The following UNC79 variants were observed in gnomAD, a reference collection of about 807,000 sequenced individuals.
UNC79 encodes unc-79 subunit of NALCN channel complex, also known as protein unc-79 homolog.
Under a neutral mutation model 283.1 loss-of-function variants are expected in UNC79, and 37 were observed. That is an observed-to-expected ratio of 0.13 (90% CI 0.10 to 0.17). UNC79 has a LOEUF of 0.17. UNC79 is among the 10% of genes least tolerant of loss of function. UNC79 has a pLI of 1.00. For synonymous variants in UNC79, 1,107 were observed against 1,200.2 expected, an observed-to-expected ratio of 0.92 and a Z score of 1.61; for missense variants, 2,272 against 3,211.1, an observed-to-expected ratio of 0.71 and a Z score of 7.07.
chr14:93,394,400 T>C (rs1477347252), intron 1 of UNC79, among the ~76,000 whole-genome samples: 1 of 149,244 alleles, frequency 6.7e-6, no homozygotes, highest in East Asian at 2.0e-4. Flanking sequence ...TATTTTATTT[T>C]ATTTTATTTT....
chr14:93,539,839 G>A (rs1431707555), intron 12 of UNC79, among the ~76,000 whole-genome samples: 1 of 152,032 alleles, frequency 6.6e-6, no homozygotes, highest in African/African-American at 2.4e-5. Context: ...TCTCCACGTC[G>A]TTGCATGGTT....
chr14:93,704,473 A>G, intron 47 of UNC79, 152 bp from the exon 51 acceptor site: 1 of 859,756 alleles, frequency 1.2e-6, no homozygotes, highest in Non-Finnish European at 1.8e-6. Flanking sequence ...TCAGAAAGAC[A>G]TTTTGCTGAT....
chr14:93,677,950 G>T (rs1318557030), intron 41 of UNC79, among the ~76,000 whole-genome samples: 2 of 152,094 alleles, frequency 1.3e-5, no homozygotes, highest in Non-Finnish European at 2.9e-5. Context: ...GCCTGGCCTA[G>T]TGCCTCTTTC....
At chr14:93,534,515 C>G (rs1429757473) in intron 11 of UNC79, among the ~76,000 whole-genome samples, 1 of 152,134 alleles carries the variant, frequency 6.6e-6, no homozygotes, top group African/African-American at 2.4e-5. Flanking sequence ...TTGAGGCAGT[C>G]CTTCCTATAT....
At chr14:93,666,732 G>T (rs1298321935) in intron 40 of UNC79, among the ~76,000 whole-genome samples, 2 of 152,174 alleles carry the variant, frequency 1.3e-5, no homozygotes, top group African/African-American at 4.8e-5. Flanking sequence ...AACAATAACA[G>T]TGAGCAAAGT....
intron 35 of UNC79, among the ~76,000 whole-genome samples, chr14:93,649,515 C>T (rs1232965285): frequency 4.6e-5 from 7 of 152,130 alleles, no homozygotes; most frequent in African/African-American, 1.7e-4. Context: ...CCCCTACATA[C>T]TTCAGCAAAG....
chr14:93,509,208 C>G (rs2059695311), intron 7 of UNC79, among the ~76,000 whole-genome samples: 1 of 152,080 alleles, frequency 6.6e-6, no homozygotes, highest in Non-Finnish European at 1.5e-5. Context: ...CCCCATGATC[C>G]AATCACCCCT....
intron 31 of UNC79, among the ~76,000 whole-genome samples, chr14:93,633,723 C>T (rs2140109817): frequency 6.6e-6 from 1 of 152,242 alleles, no homozygotes; most frequent in South Asian, 2.1e-4. Context: ...AATCTACTGG[C>T]AAAAGTGTTT....
chr14:93,517,472 A>T (rs1595721864), intron 7 of UNC79, among the ~76,000 whole-genome samples: 1 of 146,588 alleles, frequency 6.8e-6, no homozygotes, highest in Non-Finnish European at 1.5e-5. Context: ...TTTTTCATAG[A>T]TTTTTTTTTT....
intron 1 of UNC79, among the ~76,000 whole-genome samples, chr14:93,371,682 A>C (rs2139966989): frequency 6.6e-6 from 1 of 152,056 alleles, no homozygotes; most frequent in Non-Finnish European, 1.5e-5. Context: ...CTACTAAAAA[A>C]TACAAAAAAT....
At chr14:93,637,154 T>C in intron 31 of UNC79, 62 bp from the exon 35 acceptor site, 1 of 868,798 alleles carries the variant, frequency 1.2e-6, no homozygotes, top group East Asian at 2.4e-5. Context: ...GTTAAATTCT[T>C]TGTGTTCTAA....
At chr14:93,630,211 G>A (rs1286305207) in intron 30 of UNC79, among the ~76,000 whole-genome samples, 2 of 152,196 alleles carry the variant, frequency 1.3e-5, no homozygotes, top group Non-Finnish European at 2.9e-5. Context: ...AAGGGTTAGC[G>A]AAGGCTATGG....
chr14:93,360,328 C>T (rs2054193699), intron 1 of UNC79, among the ~76,000 whole-genome samples: 3 of 152,296 alleles, frequency 2.0e-5, no homozygotes, highest in African/African-American at 7.2e-5. Context: ...GTGCCACCAT[C>T]AAGGATTTGA....
intron 1 of UNC79, among the ~76,000 whole-genome samples, chr14:93,449,929 G>A (rs898375057): frequency 1.3e-5 from 2 of 152,178 alleles, no homozygotes; most frequent in African/African-American, 4.8e-5. Context: ...GTAAATGGGT[G>A]TACGTTATTA....
intron 18 of UNC79, among the ~76,000 whole-genome samples, chr14:93,579,800 A>T (rs2063683509): frequency 6.6e-6 from 1 of 152,158 alleles, no homozygotes; most frequent in Non-Finnish European, 1.5e-5. Flanking sequence ...GTATTTAGAA[A>T]CCAAGATCTG....
chr14:93,584,864 T>C (rs912489490), intron 20 of UNC79, among the ~76,000 whole-genome samples: 1 of 137,194 alleles, frequency 7.3e-6, no homozygotes, highest in Non-Finnish European at 1.6e-5. Context: ...TCTGGCTAAG[T>C]TTTTTTTTTT....
intron 8 of UNC79, among the ~76,000 whole-genome samples, chr14:93,525,037 G>T (rs1296888101): frequency 2.6e-5 from 4 of 152,172 alleles, no homozygotes; most frequent in South Asian, 2.1e-4. Context: ...ACTGGCAGAG[G>T]AGTGCCGGTA....
intron 27 of UNC79, 72 bp downstream of exon 28, chr14:93,613,155 T>C: frequency 6.4e-7 from 1 of 1,573,794 alleles, no homozygotes; most frequent in South Asian, 1.2e-5. Flanking sequence ...ACATACCATG[T>C]AGCCAACGTT....
intron 1 of UNC79, among the ~76,000 whole-genome samples, chr14:93,350,538 G>T (rs142774990): frequency 6.6e-6 from 1 of 152,162 alleles, no homozygotes; most frequent in Non-Finnish European, 1.5e-5. Flanking sequence ...TAAAAGGAAC[G>T]TTGTAAGTAA....
Sources: allele counts gnomAD v4.1 joint callset (sites outside exome capture counted in the v4.1 genomes callset), GRCh38; gene constraint gnomAD v4.1.1; transcripts MANE v1.5; gene names NCBI Gene and HGNC (gene_info 2026-07-23, HGNC 2026-07-21).